The following TVP23C variants were observed in gnomAD, a reference collection of about 807,000 sequenced individuals.
TVP23C encodes trans-golgi network vesicle protein 23 homolog C, also known as Golgi apparatus membrane protein TVP23 homolog C.
In TVP23C, 19 loss-of-function variants were observed where a neutral mutation model predicts 28.7. The ratio of observed to expected loss-of-function variants is 0.66; its 90% confidence interval spans 0.46 to 0.97. The LOEUF (loss-of-function observed/expected upper bound fraction) is 0.97, where lower values mean the gene tolerates loss of function less well. Among genes scored for constraint, TVP23C ranks in the 50% least tolerant of loss-of-function variants. TVP23C has a pLI of 0.00. For missense variants in TVP23C, 186 were observed against 241.3 expected, an observed-to-expected ratio of 0.77 and a Z score of 1.52; for synonymous variants, 68 against 81.7, an observed-to-expected ratio of 0.83 and a Z score of 0.90.
chr17:15,502,950 C>A (rs779115373), exon 6 of TVP23C: 3 of 1,614,112 alleles, frequency 1.9e-6, no homozygotes, highest in Non-Finnish European at 1.7e-6. Context: ...CCCCTCCAGG[C>A]CCAAAGCCGC....
chr17:15,536,509 G>A (rs1021072522), downstream of TVP23C, among the ~76,000 whole-genome samples: 2 of 152,134 alleles, frequency 1.3e-5, no homozygotes, highest in African/African-American at 4.8e-5. Flanking sequence ...TAGCTAATTA[G>A]GTGGGAAATC....
At chr17:15,503,060 G>A (rs199994149) in exon 6 of TVP23C, 12 of 1,614,010 alleles carry the variant, frequency 7.4e-6, no homozygotes, top group Non-Finnish European at 6.8e-6. Flanking sequence ...CCAGTAAAGA[G>A]CTCGATCCGT....
chr17:15,506,953 C>A, intron 5 of TVP23C: 1 of 1,214,118 alleles, frequency 8.2e-7, no homozygotes, highest in Non-Finnish European at 1.2e-6. Flanking sequence ...AAACAAGATT[C>A]CAAAGACGGC....
chr17:15,531,978 G>A (rs4054418), intron 5 of TVP23C, among the ~76,000 whole-genome samples: 36,126 of 151,802 alleles, frequency 0.24, 4,635 homozygotes, highest in African/African-American at 0.33. Context: ...GACTAATTCT[G>A]TTTAGTCTGT....
downstream of TVP23C, among the ~76,000 whole-genome samples, chr17:15,534,353 G>A (rs1309227216): frequency 2.0e-5 from 3 of 152,186 alleles, no homozygotes; most frequent in African/African-American, 7.2e-5. Context: ...CGTTTAGTGA[G>A]CATTACTATC....
intron 3 of TVP23C, among the ~76,000 whole-genome samples, chr17:15,551,177 C>A (rs1018060444): frequency 1.3e-5 from 2 of 151,206 alleles, no homozygotes; most frequent in Non-Finnish European, 2.9e-5. Flanking sequence ...AGTGCAGTGG[C>A]GCGATCTCGG....
intron 1 of TVP23C, chr17:15,563,062 T>A: frequency 3.2e-6 from 1 of 311,800 alleles, no homozygotes; most frequent in Non-Finnish European, 5.9e-6. Context: ...TCTGGCGGTG[T>A]CGCCGATTCC....
chr17:15,532,012 C>A (rs924353830), downstream of TVP23C, among the ~76,000 whole-genome samples: 1 of 152,040 alleles, frequency 6.6e-6, no homozygotes, highest in African/African-American at 2.4e-5. Flanking sequence ...TTGCAGTCAC[C>A]AAAATCTCTG....
At chr17:15,511,551 C>T (rs1982004854) in intron 5 of TVP23C, among the ~76,000 whole-genome samples, 1 of 152,154 alleles carries the variant, frequency 6.6e-6, no homozygotes, top group African/African-American at 2.4e-5. Flanking sequence ...GGGAGCCCTA[C>T]AATTTTAGGT....
chr17:15,543,427 T>G (rs1485572342), intron 5 of TVP23C, among the ~76,000 whole-genome samples: 1 of 150,914 alleles, frequency 6.6e-6, no homozygotes. Context: ...ATACAGAAGA[T>G]AGGTGAAGAA....
downstream of TVP23C, among the ~76,000 whole-genome samples, chr17:15,532,457 G>C (rs933188791): frequency 6.6e-6 from 1 of 152,176 alleles, no homozygotes; most frequent in Non-Finnish European, 1.5e-5. Context: ...CTAGGCTACT[G>C]GTTGTCACAG....
intron 1 of TVP23C, chr17:15,562,590 T>C (rs1984449041): frequency 6.6e-6 from 1 of 152,146 alleles, no homozygotes; most frequent in Admixed American, 6.5e-5. Context: ...TATTAGATTT[T>C]CTCCACTCAA....
chr17:15,539,878 G>A lies in TVP23C; in HGVS notation c.*534C>T, dbSNP rs775748289. On this transcript the variant is annotated 3_prime_UTR_variant, in exon 6 of 6. Transcript: ENST00000518321. ...GGAGGCTGAGGTGGGCAGATCACAA[G>A]GTCATGAGATGGAGACCATCCTGGC... 242 of 801,470 alleles carry A rather than the reference G, an allele frequency of 3.0e-4. No homozygotes were observed. The highest frequency in any genetic ancestry group is 3.5e-4 in the Non-Finnish European group (232 of 662,490). 49.6% of individuals were successfully genotyped at this position (801,470 alleles called of 1,614,324 possible).
At chr17:15,507,654 C>T (rs1021738175) in intron 5 of TVP23C, among the ~76,000 whole-genome samples, 1 of 152,030 alleles carries the variant, frequency 6.6e-6, no homozygotes, top group African/African-American at 2.4e-5. Context: ...CTGGCTAACA[C>T]GGTGAAACCC....
At chr17:15,536,506 T>C (rs1320338883), downstream of TVP23C, among the ~76,000 whole-genome samples, 1 of 152,098 alleles carries the variant, frequency 6.6e-6, no homozygotes, top group Non-Finnish European at 1.5e-5. Context: ...CCCTAGCTAA[T>C]TAGGTGGGAA....
At chr17:15,555,452 T>C (rs998922317) in intron 1 of TVP23C, 88 bp from the exon 2 acceptor site, 259 of 1,545,216 alleles carry the variant, frequency 1.7e-4, no homozygotes, top group Non-Finnish European at 2.1e-4. Context: ...CTCATCAAAA[T>C]AGAAGATAAA....
chr17:15,521,697 C>T (rs1179756766), intron 5 of TVP23C, among the ~76,000 whole-genome samples: 1 of 152,120 alleles, frequency 6.6e-6, no homozygotes, highest in African/African-American at 2.4e-5. Context: ...ATTGGTTAGC[C>T]ACATGGGAAA....
intron 5 of TVP23C, among the ~76,000 whole-genome samples, chr17:15,514,176 A>G (rs1225663035): frequency 6.6e-6 from 1 of 152,242 alleles, no homozygotes; most frequent in African/African-American, 2.4e-5. Context: ...TTTTAAAGCT[A>G]AGAATCTTCT....
chr17:15,558,903 G>A (rs1336373168), intron 1 of TVP23C, among the ~76,000 whole-genome samples: 5 of 141,162 alleles, frequency 3.5e-5, no homozygotes, highest in South Asian at 4.7e-4. Context: ...TCTGGCTCTC[G>A]CCCAGGCTGG....
Sources: allele counts gnomAD v4.1 joint callset (sites outside exome capture counted in the v4.1 genomes callset), GRCh38; gene constraint gnomAD v4.1.1; transcripts MANE v1.5; gene names NCBI Gene and HGNC (gene_info 2026-07-23, HGNC 2026-07-21).